Variants in PLBD2 observed in about 807,000 individuals in gnomAD.
The protein encoded by PLBD2 is phospholipase B domain containing 2.
In PLBD2, 51 loss-of-function variants were observed where a neutral mutation model predicts 68.3. The observed-to-expected ratio is 0.75, with a 90% confidence interval of 0.60 to 0.94. The LOEUF is 0.94. Ranked by LOEUF, PLBD2 falls within the 40% of genes least tolerant of loss-of-function variation. PLBD2 has a pLI of 0.00. For missense variants in PLBD2, 729 were observed against 792.2 expected (o/e 0.92, Z 0.96); for synonymous variants, 314 against 339.3 (o/e 0.93, Z 0.82).
chr12:113,360,857 T>A, intron 1 of PLBD2, among the ~76,000 whole-genome samples: 1 of 152,164 alleles, frequency 6.6e-6, no homozygotes, highest in Middle Eastern at 3.2e-3. Context: ...GGTTTCACCA[T>A]GTTGGCCAGG....
At position 113,372,948 on chromosome 12, in the gene PLBD2, G is replaced by A. The variant is rs1212981242; in HGVS notation, c.543+141G>A. ...ATCATCATCTCCATCCCTCCTAGCCGACCTGCCACTCATCCATCTGCCCAG... is the reference window on the plus strand; with the variant it reads ...ATCATCATCTCCATCCCTCCTAGCCAACCTGCCACTCATCCATCTGCCCAG... On this transcript the variant is annotated intron_variant, in intron 3 of 11. Transcript: ENST00000280800. The surrounding 1 kb of genome is among the most constrained non-coding windows in gnomAD (Gnocchi z 4.2). The A allele has an allele frequency of 1.3e-5, 12 of 924,336 alleles. No individual in the cohort carries two copies. Among genetic ancestry groups the A allele is most frequent in the South Asian group, 6.8e-5 (4 of 59,224 alleles). The allele number at this position is 924,336 out of a possible 1,614,324, so 57.3% of individuals were successfully genotyped here.
At chr12:113,376,288 C>G (rs1957437738) in intron 5 of PLBD2, among the ~76,000 whole-genome samples, 1 of 151,820 alleles carries the variant, frequency 6.6e-6, no homozygotes, top group African/African-American at 2.4e-5. Context: ...CTCAGCCTCC[C>G]AAGTAGCTGG....
intron 5 of PLBD2, among the ~76,000 whole-genome samples, chr12:113,379,169 A>C (rs915346217): frequency 2.6e-5 from 4 of 152,018 alleles, no homozygotes; most frequent in Non-Finnish European, 5.9e-5. Context: ...TTAGCTAGAC[A>C]TGGTGGTAAA....
In PLBD2 at chr12:113,384,802, G is replaced by A; in HGVS notation, c.1119-49G>A. 6.6e-7 allele frequency: 1 copy of A among 1,511,518 alleles called. No homozygotes were observed. Among genetic ancestry groups the A allele is most frequent in the East Asian group, 2.3e-5 (1 of 44,042 alleles). 93.6% of individuals were successfully genotyped at this position (1,511,518 alleles called of 1,614,324 possible). A position where few individuals can be genotyped will look rare whatever the true frequency, so the allele number is the denominator to read the frequency against. On this transcript the variant is annotated intron_variant, in intron 7 of 11. Coordinates refer to ENST00000280800, the MANE Select transcript of PLBD2 (RefSeq NM_173542.4). The surrounding 1 kb of genome is among the most constrained non-coding windows in gnomAD (Gnocchi z 4.2). The stretch of plus-strand genomic sequence containing the variant: ...GGACACTGCAGGGTGGGGAAAGCTG[G>A]GGAGGTGGCTCCAGGCTCTGTTCAG...
chr12:113,382,861 GTGTGTGTTTT>G (rs1231148367), intron 6 of PLBD2, among the ~76,000 whole-genome samples: 6 of 130,172 alleles, frequency 4.6e-5, no homozygotes, highest in African/African-American at 1.8e-4. Context: ...GTGTGTGTGT[GTGTGTGTTTT>G]TTTTTTTTTT....
intron 10 of PLBD2, among the ~76,000 whole-genome samples, chr12:113,387,394 C>T (rs891586535): frequency 1.6e-4 from 24 of 152,120 alleles, no homozygotes; most frequent in African/African-American, 2.7e-4. Flanking sequence ...GTCTCTTGGG[C>T]GGTGCAGAAA....
At chr12:113,364,435 C>T (rs1957324116) in intron 1 of PLBD2, among the ~76,000 whole-genome samples, 3 of 151,574 alleles carry the variant, frequency 2.0e-5, no homozygotes, top group Admixed American at 2.0e-4. Context: ...TCATCACACT[C>T]GCCGGGTCTC....
At position 113,385,209 on chromosome 12, in the gene PLBD2, C is replaced by T; in HGVS notation, c.1215-3C>T. The stretch of plus-strand genomic sequence containing the variant: ...TCCACCCCATCTCTCTTCTCGGTCT[C>T]AGCGGCATGGTGGTGGTGGCTGACA... On this transcript the variant is annotated splice_region_variant and splice_polypyrimidine_tract_variant and intron_variant, in intron 8 of 11. Transcript: ENST00000280800. 1 of 1,614,166 alleles carries T rather than the reference C, an allele frequency of 6.2e-7. No homozygotes were observed. Among genetic ancestry groups the T allele is most frequent in the East Asian group, 2.2e-5 (1 of 44,882 alleles).
At chr12:113,385,186 C>T (rs768134998) in intron 8 of PLBD2, 26 bp from the exon 9 acceptor site, 1 of 1,612,992 alleles carries the variant, frequency 6.2e-7, no homozygotes, top group African/African-American at 1.3e-5. Context: ...TGATCACCTC[C>T]ACCCCATCTC....
chr12:113,380,294 G>A (rs1957475370), intron 5 of PLBD2, among the ~76,000 whole-genome samples: 2 of 152,038 alleles, frequency 1.3e-5, no homozygotes, highest in South Asian at 2.1e-4. Context: ...ACGCCACCAC[G>A]CCTGGCTCAT....
Position 113,372,788 on chromosome 12 carries a change from A to G in PLBD2, c.524A>G (p.Asp175Gly). 2 of 1,613,268 alleles carry G rather than the reference A, an allele frequency of 1.2e-6. No homozygotes were observed. Among genetic ancestry groups the G allele is most frequent in the Non-Finnish European group, 1.7e-6 (2 of 1,179,894 alleles). Reference sequence around the variant, plus strand: ...CAGGAAGAGATGGAGTCAAACCCAGACTCACCTTACTGGCACCAGGTGAGT... The same window carrying G: ...CAGGAAGAGATGGAGTCAAACCCAGGCTCACCTTACTGGCACCAGGTGAGT... ...WMQEEMESNP[D>G]SPYWHQVRLT... The change falls in exon 3 of 12, where the codon GAC becomes GGC. Residue 175 changes from aspartate to glycine, a missense_variant. By Grantham distance (94) the Asp-to-Gly change is moderately conservative (BLOSUM62 -1). Coordinates refer to ENST00000280800, the MANE Select transcript of PLBD2 (RefSeq NM_173542.4). The surrounding 1 kb of genome is among the most constrained non-coding windows in gnomAD (Gnocchi z 4.2).
intron 1 of PLBD2, 33 bp downstream of exon 1, chr12:113,358,923 C>T: frequency 6.7e-7 from 1 of 1,487,600 alleles, no homozygotes; most frequent in South Asian, 1.3e-5. Flanking sequence ...GCGGGGCCAT[C>T]GGGGGAGGGG....
chr12:113,359,999 C>T (rs1957276022), intron 1 of PLBD2, among the ~76,000 whole-genome samples: 1 of 152,248 alleles, frequency 6.6e-6, no homozygotes, highest in East Asian at 1.9e-4. Context: ...GACCACACTG[C>T]CCCCTGCAGC....
chr12:113,364,304 G>C (rs1383724986), intron 1 of PLBD2, among the ~76,000 whole-genome samples: 2 of 152,202 alleles, frequency 1.3e-5, no homozygotes, highest in Non-Finnish European at 2.9e-5. Flanking sequence ...GTTACTACTG[G>C]GGCTCGCGGC....
intron 5 of PLBD2, among the ~76,000 whole-genome samples, chr12:113,378,016 C>T (rs1375777672): frequency 6.6e-6 from 1 of 152,168 alleles, no homozygotes; most frequent in African/African-American, 2.4e-5. Context: ...ATGTACCTTG[C>T]CTGGGCACAA....
chr12:113,362,094 C>G (rs1461342129), intron 1 of PLBD2, among the ~76,000 whole-genome samples: 4 of 152,086 alleles, frequency 2.6e-5, no homozygotes, highest in African/African-American at 9.7e-5. Flanking sequence ...GCCTGTAATC[C>G]CAATGTTTTG....
chr12:113,361,487 G>T (rs557378972), intron 1 of PLBD2, among the ~76,000 whole-genome samples: 16 of 151,298 alleles, frequency 1.1e-4, no homozygotes, highest in African/African-American at 3.9e-4. Context: ...CTATAGATAC[G>T]CACCCCCATG....
chr12:113,373,266 A>G (rs1957405623), intron 3 of PLBD2, among the ~76,000 whole-genome samples: 3 of 152,238 alleles, frequency 2.0e-5, no homozygotes, highest in Admixed American at 2.0e-4. Context: ...GCTAACGGAG[A>G]GGCCCAGGCA....
At chr12:113,378,498 T>C (rs936252222) in intron 5 of PLBD2, among the ~76,000 whole-genome samples, 4 of 152,128 alleles carry the variant, frequency 2.6e-5, no homozygotes, top group African/African-American at 9.7e-5. Context: ...TTGCCAGTAC[T>C]GCCATGTTTG....
Sources: gnomAD v4.1 joint callset for allele counts (sites outside exome capture counted in the v4.1 genomes callset) on GRCh38, gnomAD v4.1.1 for gene constraint, Gnocchi (gnomAD v3.1) non-coding constraint, MANE v1.5 for transcripts, NCBI Gene and HGNC (gene_info 2026-07-23, HGNC 2026-07-21) for gene names.